The following SPIDR variants were observed in gnomAD, a reference collection of about 807,000 sequenced individuals.
The protein encoded by SPIDR is DNA repair-scaffolding protein.
A neutral mutation model predicts 104.6 loss-of-function variants in SPIDR; 93 were observed. The observed-to-expected ratio is 0.89, with a 90% confidence interval of 0.75 to 1.06. The LOEUF (loss-of-function observed/expected upper bound fraction) is 1.06. SPIDR is among the 50% of genes least tolerant of loss of function. The pLI is 0.00. For missense variants in SPIDR, 1,154 were observed against 1,111.2 expected (o/e 1.04, Z -0.55); for synonymous variants, 431 against 416.9 (o/e 1.03, Z -0.41).
intron 10 of SPIDR, among the ~76,000 whole-genome samples, chr8:47,630,821 G>A (rs554577304): frequency 1.5e-4 from 23 of 152,246 alleles, no homozygotes; most frequent in Admixed American, 3.3e-4. Context: ...TGGCTGATCC[G>A]ACGTTCCTGG....
At chr8:47,278,784 C>A (rs2037116220) in intron 1 of SPIDR, among the ~76,000 whole-genome samples, 1 of 152,072 alleles carries the variant, frequency 6.6e-6, no homozygotes, top group African/African-American at 2.4e-5. Context: ...ATTGTTTTTC[C>A]CTAATAATAA....
intron 5 of SPIDR, among the ~76,000 whole-genome samples, chr8:47,306,025 A>G (rs2043033149): frequency 6.6e-6 from 1 of 152,176 alleles, no homozygotes; most frequent in Non-Finnish European, 1.5e-5. Flanking sequence ...TACTTTGTGT[A>G]TGATTTTGAC....
chr8:47,416,718 C>A (rs991013313), intron 7 of SPIDR, among the ~76,000 whole-genome samples: 2 of 151,868 alleles, frequency 1.3e-5, no homozygotes, highest in Admixed American at 1.3e-4. Context: ...TGTGCTGCAC[C>A]CATTAACTCG....
At chr8:47,715,398 A>C (rs1039495689) in intron 16 of SPIDR, among the ~76,000 whole-genome samples, 3 of 152,064 alleles carry the variant, frequency 2.0e-5, no homozygotes, top group African/African-American at 7.2e-5. Flanking sequence ...GCTGGTCTCG[A>C]ACTCCTGACC....
intron 7 of SPIDR, among the ~76,000 whole-genome samples, chr8:47,433,491 T>TC (rs11404959): frequency 1 from 152,366 of 152,368 alleles, 76,182 homozygotes; most frequent in Middle Eastern, 1. Flanking sequence ...CCACATTTAG[T>TC]CTAGGCAGAA....
At chr8:47,417,799 T>C (rs1554676482) in intron 7 of SPIDR, among the ~76,000 whole-genome samples, 1 of 152,188 alleles carries the variant, frequency 6.6e-6, no homozygotes, top group Non-Finnish European at 1.5e-5. Context: ...TTAATTTTTG[T>C]ATAAGGTGTA....
chr8:47,322,847 C>T (rs1459898012), intron 5 of SPIDR, among the ~76,000 whole-genome samples: 1 of 151,812 alleles, frequency 6.6e-6, no homozygotes, highest in Non-Finnish European at 1.5e-5. Flanking sequence ...GACAAAAAAC[C>T]AAACAGCGCA....
chr8:47,460,672 G>A (rs2073789158), intron 8 of SPIDR, among the ~76,000 whole-genome samples: 1 of 152,124 alleles, frequency 6.6e-6, no homozygotes, highest in African/African-American at 2.4e-5. Flanking sequence ...GAGATGTGAG[G>A]TACTGTTTCA....
intron 5 of SPIDR, among the ~76,000 whole-genome samples, chr8:47,381,932 C>T (rs1378993101): frequency 6.6e-6 from 1 of 152,172 alleles, no homozygotes; most frequent in Non-Finnish European, 1.5e-5. Context: ...CTTTGTTCTA[C>T]CAGCTGGGTA....
intron 8 of SPIDR, among the ~76,000 whole-genome samples, chr8:47,542,880 G>T (rs2088509814): frequency 6.6e-6 from 1 of 152,168 alleles, no homozygotes; most frequent in Admixed American, 6.5e-5. Flanking sequence ...GCAATTGCTA[G>T]TCTACTTTAT....
rs141191141 is a variant in SPIDR, at chr8:47,324,306, T to A, written c.525+30276T>A. The stretch of plus-strand genomic sequence containing the variant: ...TCTTAGCCATTTTGCTGAATGGCCT[T>A]TCCTTCTTTCCCCTATCCCCCATCC... On this transcript the variant is annotated intron_variant, in intron 5 of 19. Transcript: ENST00000297423. Among the ~76,000 whole-genome samples the A allele has an allele frequency of 2.1e-3, 316 of 152,256 alleles. 1 individual carries two copies. Among genetic ancestry groups the A allele is most frequent in the African/African-American group, 7.1e-3 (294 of 41,538 alleles).
intron 10 of SPIDR, among the ~76,000 whole-genome samples, chr8:47,665,888 C>T (rs2074848366): frequency 6.6e-6 from 1 of 152,130 alleles, no homozygotes; most frequent in South Asian, 2.1e-4. Flanking sequence ...TGAGAAACAC[C>T]TATTAATACT....
chr8:47,699,478 G>T (rs535166444), intron 11 of SPIDR, among the ~76,000 whole-genome samples: 2 of 152,202 alleles, frequency 1.3e-5, no homozygotes, highest in African/African-American at 4.8e-5. Flanking sequence ...CGGAAGTGCA[G>T]TCAGATCTAA....
intron 11 of SPIDR, among the ~76,000 whole-genome samples, chr8:47,680,872 C>T (rs1413676107): frequency 6.6e-6 from 1 of 152,176 alleles, no homozygotes; most frequent in Admixed American, 6.5e-5. Flanking sequence ...CTTTGGGAGG[C>T]CGAGAGGCAG....
At chr8:47,352,852 G>T (rs575068898) in intron 5 of SPIDR, among the ~76,000 whole-genome samples, 2 of 151,730 alleles carry the variant, frequency 1.3e-5, no homozygotes, top group Admixed American at 6.6e-5. Context: ...TTGAGAGATC[G>T]AGACCATCCT....
intron 14 of SPIDR, among the ~76,000 whole-genome samples, chr8:47,708,143 A>G (rs2154486435): frequency 6.6e-6 from 1 of 152,290 alleles, no homozygotes; most frequent in South Asian, 2.1e-4. Context: ...CTACAAAAAT[A>G]CAAAAATTAG....
intron 8 of SPIDR, chr8:47,511,672 C>T: frequency 1.2e-6 from 1 of 853,712 alleles, no homozygotes; most frequent in Non-Finnish European, 2.0e-6. Context: ...TGGTGCTGCC[C>T]CAAGGCCATA....
At chr8:47,577,277 T>A (rs2059230925) in intron 8 of SPIDR, among the ~76,000 whole-genome samples, 1 of 152,232 alleles carries the variant, frequency 6.6e-6, no homozygotes, top group African/African-American at 2.4e-5. Context: ...CTGTCCTGAG[T>A]ACAGAAATCA....
chr8:47,405,430 A>G (rs949520139), intron 6 of SPIDR, among the ~76,000 whole-genome samples: 1 of 152,050 alleles, frequency 6.6e-6, no homozygotes, highest in East Asian at 1.9e-4. Context: ...ATTTTAAAAT[A>G]TTGTATTTAC....
Sources: gnomAD v4.1 joint callset for allele counts (sites outside exome capture counted in the v4.1 genomes callset) on GRCh38, gnomAD v4.1.1 for gene constraint, MANE v1.5 for transcripts, NCBI Gene and HGNC (gene_info 2026-07-23, HGNC 2026-07-21) for gene names.